PCDH11X: variants seen among roughly 807,000 people sequenced by gnomAD.
The protein encoded by PCDH11X is protocadherin-11 X-linked.
Under a neutral mutation model 53.3 loss-of-function variants are expected in PCDH11X, and 18 were observed. The ratio of observed to expected loss-of-function variants is 0.34; its 90% CI spans 0.23 to 0.50. The LOEUF (loss-of-function observed/expected upper bound fraction) is 0.50. Among genes scored for constraint, PCDH11X ranks in the 20% least tolerant of loss-of-function variants. PCDH11X has a pLI of 0.98. For synonymous variants in PCDH11X, 279 were observed against 393.3 expected (o/e 0.71, Z 3.44); for missense variants, 570 against 1,032.4 (o/e 0.55, Z 6.14).
At position 92,449,514 on chromosome X, in the gene PCDH11X, TTA is replaced by T. The variant is rs201164181; in HGVS notation, c.3344-18782_3344-18781del. 8.5e-3 allele frequency among the ~76,000 whole-genome samples: 947 copies of T among 111,326 alleles called. 11 individuals are homozygous for T. Among genetic ancestry groups the T allele is most frequent in the African/African-American group, 0.029 (887 of 30,612 alleles). On this transcript the variant is annotated intron_variant, in intron 9 of 10. Coordinates refer to ENST00000682573, the MANE Select transcript of PCDH11X (RefSeq NM_032968.5). Reference sequence around the variant, plus strand: ...ATTCTTTTAAAGTTAAAGTGAACATTTATAATAATATACACAAATACCCCATT... The same window carrying T: ...ATTCTTTTAAAGTTAAAGTGAACATTTAATAATATACACAAATACCCCATT...
intron 7 of PCDH11X, among the ~76,000 whole-genome samples, chrX:92,238,400 G>A (rs912225516): frequency 9.0e-6 from 1 of 111,442 alleles, no homozygotes; most frequent in Admixed American, 9.6e-5. Context: ...GATGTTAAAT[G>A]GAATTCAGAC....
intron 6 of PCDH11X, among the ~76,000 whole-genome samples, chrX:91,961,343 A>G (rs2061785268): frequency 9.5e-6 from 1 of 105,449 alleles, no homozygotes; most frequent in Non-Finnish European, 1.9e-5. Context: ...ACAAGCTAAC[A>G]GATAACATCA....
intron 6 of PCDH11X, among the ~76,000 whole-genome samples, chrX:92,146,156 T>C (rs1349752084): frequency 9.0e-6 from 1 of 111,311 alleles, no homozygotes. Context: ...AGCATACTCC[T>C]CTTTTCTTCC....
chrX:92,511,870 AG>A (rs1248835002), intron 10 of PCDH11X, among the ~76,000 whole-genome samples: 3 of 110,279 alleles, frequency 2.7e-5, no homozygotes, highest in Non-Finnish European at 5.7e-5. Flanking sequence ...CTGGAAGATG[AG>A]GGGGTGCCTA....
At chrX:92,351,438 T>C (rs1271628696) in intron 8 of PCDH11X, among the ~76,000 whole-genome samples, 8 of 111,584 alleles carry the variant, frequency 7.2e-5, no homozygotes, top group Admixed American at 6.7e-4. Context: ...ATATAGTAAG[T>C]TTTCTTTCCA....
intron 7 of PCDH11X, among the ~76,000 whole-genome samples, chrX:92,204,313 A>C (rs1341751782): frequency 1.8e-5 from 2 of 111,867 alleles, no homozygotes; most frequent in Non-Finnish European, 3.8e-5. Flanking sequence ...AATTTTCCAA[A>C]ATTTTATGCT....
intron 6 of PCDH11X, among the ~76,000 whole-genome samples, chrX:91,933,280 A>G (rs1172885118): frequency 1.9e-5 from 2 of 106,873 alleles, no homozygotes; most frequent in African/African-American, 3.4e-5. Context: ...AGACACAGCC[A>G]GAGAAAACTG....
chrX:91,972,755 T>A (rs749791580), intron 6 of PCDH11X, among the ~76,000 whole-genome samples: 59 of 109,856 alleles, frequency 5.4e-4, no homozygotes, highest in Admixed American at 2.1e-3. Context: ...GATCAGATGG[T>A]TGTAGATATG....
intron 6 of PCDH11X, among the ~76,000 whole-genome samples, chrX:92,192,797 G>A (rs868751717): frequency 1.8e-5 from 2 of 110,921 alleles, no homozygotes; most frequent in African/African-American, 6.6e-5. Flanking sequence ...GGAGTGCAGT[G>A]GTGCTGTTTT....
intron 4 of PCDH11X, among the ~76,000 whole-genome samples, chrX:91,817,221 T>A (rs1376370414): frequency 3.9e-5 from 4 of 103,364 alleles, no homozygotes; most frequent in Non-Finnish European, 7.9e-5. Context: ...TATAAAACTG[T>A]GCATTTTTGT....
intron 6 of PCDH11X, among the ~76,000 whole-genome samples, chrX:92,199,587 C>A (rs1482310866): frequency 9.0e-6 from 1 of 110,664 alleles, no homozygotes; most frequent in Non-Finnish European, 1.9e-5. Context: ...CTCTCACTTG[C>A]ATTACAGTTA....
At chrX:92,045,892 CTG>C (rs2063279481) in intron 6 of PCDH11X, among the ~76,000 whole-genome samples, 2 of 105,522 alleles carry the variant, frequency 1.9e-5, no homozygotes, top group Admixed American at 2.1e-4. Context: ...TGAGCCAAGA[CTG>C]TGCCACTGCA....
intron 6 of PCDH11X, among the ~76,000 whole-genome samples, chrX:91,938,790 G>A (rs1249400136): frequency 1.8e-5 from 2 of 110,653 alleles, no homozygotes; most frequent in Non-Finnish European, 3.8e-5. Context: ...TCTCAGTAGT[G>A]GGACATAATT....
chrX:91,887,869 G>C (rs1425961241), intron 6 of PCDH11X, among the ~76,000 whole-genome samples: 1 of 110,620 alleles, frequency 9.0e-6, no homozygotes, highest in Non-Finnish European at 1.9e-5. Flanking sequence ...TAATACAGAG[G>C]CATGTTACAT....
chrX:92,244,874 C>T (rs187524864), intron 7 of PCDH11X, among the ~76,000 whole-genome samples: 11 of 111,281 alleles, frequency 9.9e-5, no homozygotes, highest in African/African-American at 3.2e-4. Flanking sequence ...CCATAATTAG[C>T]GTTCCCAAAG....
intron 6 of PCDH11X, among the ~76,000 whole-genome samples, chrX:91,925,755 A>ACTC (rs1210662601): frequency 9.0e-6 from 1 of 110,821 alleles, no homozygotes; most frequent in African/African-American, 3.3e-5. Flanking sequence ...AAGAAGAAAG[A>ACTC]CTCTCAAGAT....
intron 6 of PCDH11X, among the ~76,000 whole-genome samples, chrX:92,147,979 TCC>T (rs1569388697): frequency 2.3e-5 from 2 of 87,895 alleles, no homozygotes; most frequent in East Asian, 6.9e-4. Context: ...CTTCCTTCCT[TCC>T]TTCCTTTCTT....
At chrX:92,274,616 C>T (rs1307956676) in intron 8 of PCDH11X, among the ~76,000 whole-genome samples, 2 of 110,621 alleles carry the variant, frequency 1.8e-5, no homozygotes, top group Non-Finnish European at 3.8e-5. Context: ...AATCCTCGAG[C>T]TTGATGTGTA....
intron 9 of PCDH11X, among the ~76,000 whole-genome samples, chrX:92,428,489 A>G (rs1341401608): frequency 9.0e-6 from 1 of 111,112 alleles, no homozygotes; most frequent in Non-Finnish European, 1.9e-5. Context: ...TATTCCAGGC[A>G]AAACTCTTTT....
Sources: gnomAD v4.1 joint callset for allele counts (sites outside exome capture counted in the v4.1 genomes callset) on GRCh38, gnomAD v4.1.1 for gene constraint, MANE v1.5 for transcripts, NCBI Gene and HGNC (gene_info 2026-07-23, HGNC 2026-07-21) for gene names.